Variants in PYROXD1 observed in about 807,000 individuals in gnomAD.
PYROXD1 encodes the protein tRNA ligase complex-associated NAD(P)H dehydrogenase PYROXD1.
In PYROXD1, 42 loss-of-function variants were observed where a neutral mutation model predicts 62.0. The observed-to-expected ratio is 0.68, with a 90% CI of 0.53 to 0.88. PYROXD1 has a LOEUF of 0.88. PYROXD1 is among the 40% of genes least tolerant of loss of function. The probability of loss-of-function intolerance (pLI) is 0.00; values close to 1 mark genes in which losing one functional copy is unlikely to be tolerated. For synonymous variants in PYROXD1, 170 were observed against 206.4 expected, an observed-to-expected ratio of 0.82 and a Z score of 1.51; for missense variants, 493 against 604.8, an observed-to-expected ratio of 0.82 and a Z score of 1.94.
At chr12:21,451,374 C>T (rs1461121665) in intron 4 of PYROXD1, among the ~76,000 whole-genome samples, 1 of 151,860 alleles carries the variant, frequency 6.6e-6, no homozygotes, top group Non-Finnish European at 1.5e-5. Context: ...ACTGGCTTCT[C>T]TAAGCTCATT....
At chr12:21,454,509 T>G (rs1049125124) in intron 5 of PYROXD1, among the ~76,000 whole-genome samples, 3 of 151,998 alleles carry the variant, frequency 2.0e-5, no homozygotes, top group Admixed American at 2.0e-4. Context: ...AAACCTAGAA[T>G]AAAATATCAC....
rs143332235 is a variant in PYROXD1, at chr12:21,456,673, G to A, written c.750+578G>A. Among the ~76,000 whole-genome samples, 1,033 of 152,240 alleles carry A rather than the reference G, an allele frequency of 6.8e-3. 8 individuals carry two copies. Among genetic ancestry groups the A allele is most frequent in the African/African-American group, 0.023 (964 of 41,526 alleles). On this transcript the variant is annotated intron_variant, in intron 7 of 11. Transcript: ENST00000240651. ...GTGCTTGCTGAAGGTTTGGGTGGCT[G>A]TGGCAATTTCTTAAAATAACAAGTT... is the stretch of plus-strand genomic sequence containing the variant.
chr12:21,440,521 T>C (rs1942274454), intron 2 of PYROXD1, 73 bp downstream of exon 2: 1 of 810,124 alleles, frequency 1.2e-6, no homozygotes, highest in Non-Finnish European at 2.0e-6. Context: ...GTTAGGGTAA[T>C]TGTGTATTTT....
At chr12:21,440,974 A>G (rs1030920587) in intron 2 of PYROXD1, among the ~76,000 whole-genome samples, 2 of 152,118 alleles carry the variant, frequency 1.3e-5, no homozygotes, top group Non-Finnish European at 2.9e-5. Context: ...CGATTTGCAT[A>G]TTTTAAGCCA....
intron 2 of PYROXD1, among the ~76,000 whole-genome samples, chr12:21,444,008 G>T (rs1205552969): frequency 1.3e-5 from 2 of 152,188 alleles, no homozygotes; most frequent in Non-Finnish European, 2.9e-5. Flanking sequence ...GGTCTCATAA[G>T]TATCTTTCCA....
chr12:21,453,217 G>A (rs1253396189), intron 5 of PYROXD1, among the ~76,000 whole-genome samples: 1 of 151,974 alleles, frequency 6.6e-6, no homozygotes, highest in East Asian at 1.9e-4. Context: ...AAAATTTTAT[G>A]TTCAAAAATG....
rs1591934140 is a variant in PYROXD1 at position 21,440,376 on chromosome 12, T to C, written c.93T>C (p.Thr31=). 6.3e-7 allele frequency: 1 copy of C among 1,586,162 alleles called. No individual in the cohort carries two copies. The highest frequency in any genetic ancestry group is 1.2e-5 in the South Asian group (1 of 86,410). The change falls in exon 2 of 12, where the codon ACT becomes ACC. Residue 31 remains threonine, a synonymous_variant. Transcript: ENST00000240651. ...CTCTTTTTAAAAATAAGTTGGCTAC[T>C]CACTTTCCATCGGAAGATATTCTCT... The part of the protein sequence containing the change: ...AGVTCAEQLA[T]HFPSEDILLV...
chr12:21,457,753 A>G (rs1422858744), intron 7 of PYROXD1, among the ~76,000 whole-genome samples: 1 of 146,138 alleles, frequency 6.8e-6, no homozygotes. Flanking sequence ...TCTCATGAGA[A>G]CTCTAACATG....
chr12:21,470,740 C>A lies in PYROXD1; in HGVS notation c.*1986C>A, dbSNP rs1942929580. The A allele has an allele frequency of 5.7e-6, 2 of 352,330 alleles. No homozygotes were observed. The highest frequency in any genetic ancestry group is 9.9e-6 in the Non-Finnish European group (2 of 202,512). 21.8% of individuals were successfully genotyped at this position (352,330 alleles called of 1,614,324 possible). On this transcript the variant is annotated 3_prime_UTR_variant, in exon 12 of 12. Coordinates refer to ENST00000240651, the MANE Select transcript of PYROXD1 (RefSeq NM_024854.5). ...ATTAGATATTCAAACGGAGTCCTCC[C>A]ATTCCAAGAAACTGGAAACCCCTAG...
At chr12:21,457,631 G>T (rs974731910) in intron 7 of PYROXD1, among the ~76,000 whole-genome samples, 7 of 152,004 alleles carry the variant, frequency 4.6e-5, no homozygotes, top group African/African-American at 1.4e-4. Context: ...GACTGGGGAG[G>T]CCTCAGGAAA....
intron 7 of PYROXD1, among the ~76,000 whole-genome samples, chr12:21,460,433 A>C (rs12814509): frequency 1.1e-4 from 5 of 45,942 alleles, no homozygotes; most frequent in Non-Finnish European, 2.4e-4. Context: ...TTATTTATTT[A>C]TTTTTTTTGA....
chr12:21,462,012 G>A lies in PYROXD1; in HGVS notation c.885G>A (p.Met295Ile). The change falls in exon 9 of 12, where the codon ATG (methionine) becomes ATA (isoleucine). Residue 295 changes from methionine to isoleucine, a missense_variant. Transcript: ENST00000240651. ...DHKSVTADTEMWPVYVELTNE... is the reference protein window; with the variant it reads ...DHKSVTADTEIWPVYVELTNE... ...TTTGGTTTTTTTTTCTTAAAGAGAT[G>A]TGGCCTGTCTATGTGGAATTGACCA... 2 of 1,601,424 alleles carry A rather than the reference G, an allele frequency of 1.2e-6. No homozygotes were observed. Among genetic ancestry groups the A allele is most frequent in the Non-Finnish European group, 1.7e-6 (2 of 1,171,764 alleles).
At chr12:21,467,355 T>C in intron 10 of PYROXD1, 126 bp from the exon 11 acceptor site, 1 of 829,298 alleles carries the variant, frequency 1.2e-6, no homozygotes, top group Non-Finnish European at 1.8e-6. Context: ...TGGTGACTGC[T>C]TCTGTGGCAA....
Position 21,468,964 on chromosome 12 carries a change from C to A in PYROXD1, c.*210C>A. The A allele has an allele frequency of 9.1e-6, 4 of 441,500 alleles. No individual in the cohort carries two copies. The highest frequency in any genetic ancestry group is 8.5e-5 in the South Asian group (3 of 35,348). 27.3% of individuals were successfully genotyped at this position (441,500 alleles called of 1,614,324 possible). Reference sequence around the variant, plus strand: ...ATAGATATATCTTTCCAATACAACACTGACCGCTTAGATAAAAATCTTAAG... The same window carrying A: ...ATAGATATATCTTTCCAATACAACAATGACCGCTTAGATAAAAATCTTAAG... On this transcript the variant is annotated 3_prime_UTR_variant, in exon 12 of 12. Coordinates refer to ENST00000240651, the MANE Select transcript of PYROXD1 (RefSeq NM_024854.5).
intron 10 of PYROXD1, among the ~76,000 whole-genome samples, chr12:21,464,635 G>A (rs770160277): frequency 2.0e-5 from 3 of 151,774 alleles, no homozygotes; most frequent in Non-Finnish European, 2.9e-5. Context: ...TTATGTTTAC[G>A]TTTCAGGTAA....
At chr12:21,438,634 G>A (rs1157961892) in intron 1 of PYROXD1, 1 of 152,140 alleles carries the variant, frequency 6.6e-6, no homozygotes, top group Admixed American at 6.5e-5. Flanking sequence ...TGCATGTAGG[G>A]CTTGCTTTCT....
At chr12:21,439,025 CAAA>C (rs1393342952) in intron 1 of PYROXD1, among the ~76,000 whole-genome samples, 7 of 152,124 alleles carry the variant, frequency 4.6e-5, no homozygotes, top group Middle Eastern at 6.8e-3. Flanking sequence ...TTTTTTTAAT[CAAA>C]GAAGGTATTT....
chr12:21,437,785 G>A lies in PYROXD1; in HGVS notation c.55G>A (p.Gly19Ser). 1 of 1,612,824 alleles carries A rather than the reference G, an allele frequency of 6.2e-7. No homozygotes were observed. The change falls in exon 1 of 12, where the codon GGC becomes AGC. Residue 19 changes from glycine to serine, a missense_variant. By Grantham distance (56) the Gly-to-Ser change is moderately conservative. Around this residue, in one of 2 missense-constraint regions of PYROXD1, gnomAD observed 164 missense variants for 158.2 expected, o/e 1.04. Coordinates refer to ENST00000240651, the MANE Select transcript of PYROXD1 (RefSeq NM_024854.5). ...AGGGAAGTTCGTGGTGGTCGGCGGC[G>A]GCATCGCGGGCGTCACTTGTGCGGA... Reference protein sequence around the residue: ...TAGKFVVVGGGIAGVTCAEQL... With the variant: ...TAGKFVVVGGSIAGVTCAEQL...
intron 5 of PYROXD1, among the ~76,000 whole-genome samples, chr12:21,453,481 A>T (rs1328637981): frequency 6.7e-6 from 1 of 148,382 alleles, no homozygotes; most frequent in Non-Finnish European, 1.5e-5. Context: ...TTCATTATAC[A>T]TTTATTTCAG....
Sources: gnomAD v4.1 joint callset for allele counts (sites outside exome capture counted in the v4.1 genomes callset) on GRCh38, gnomAD v4.1.1 for gene constraint, gnomAD v4.1.1 regional missense constraint, MANE v1.5 for transcripts, NCBI Gene and HGNC (gene_info 2026-07-23, HGNC 2026-07-21) for gene names.